The following SUGCT variants were observed in gnomAD, a reference collection of about 807,000 sequenced individuals.
SUGCT encodes succinyl-CoA:glutarate CoA-transferase.
In SUGCT, 41 loss-of-function variants were observed where a neutral mutation model predicts 55.0. The ratio of observed to expected loss-of-function variants is 0.74; its 90% CI spans 0.58 to 0.97. The LOEUF is 0.97. Among genes scored for constraint, SUGCT ranks in the 50% least tolerant of loss-of-function variants. The pLI, the probability that SUGCT is intolerant of heterozygous loss-of-function variation, is 0.00. For missense variants in SUGCT, 568 were observed against 547.8 expected (o/e 1.04, Z -0.37); for synonymous variants, 187 against 200.4 (o/e 0.93, Z 0.56).
chr7:40,950,918 CT>C, the SUGCT span, among the ~76,000 whole-genome samples: 1 of 151,158 alleles, frequency 6.6e-6, no homozygotes, highest in South Asian at 2.1e-4. Context: ...CTACAATTCT[CT>C]TTTTTTTTGT....
At chr7:40,633,990 A>G (rs1453148256) in intron 12 of SUGCT, among the ~76,000 whole-genome samples, 3 of 152,120 alleles carry the variant, frequency 2.0e-5, no homozygotes. Context: ...CTCTGAAAAT[A>G]TAGGGATCGT....
chr7:40,395,303 A>G lies in SUGCT; in HGVS notation c.817-53984A>G, dbSNP rs1177251553. ...CAGGAGTTTGAGACTAGCCTGGTCA[A>G]CATGGTGAAACCTCGTCTCTACTAA... On this transcript the variant is annotated intron_variant, in intron 9 of 13. Coordinates refer to ENST00000335693, the MANE Select transcript of SUGCT (RefSeq NM_001193313.2). Among the ~76,000 whole-genome samples the G allele has an allele frequency of 2.0e-5, 3 of 152,010 alleles. No homozygotes were observed. The South Asian group carries it at 6.2e-4, about 31-fold the overall frequency.
chr7:40,928,390 A>G, the SUGCT span, among the ~76,000 whole-genome samples: 4 of 152,036 alleles, frequency 2.6e-5, no homozygotes, highest in African/African-American at 7.2e-5. Context: ...CCTGAATACT[A>G]TCTTTCACTT....
At chr7:40,702,422 A>G (rs1019549459) in intron 12 of SUGCT, among the ~76,000 whole-genome samples, 3 of 152,232 alleles carry the variant, frequency 2.0e-5, no homozygotes, top group African/African-American at 4.8e-5. Flanking sequence ...AAAAAATACC[A>G]AAGTCAAGAA....
At chr7:40,193,852 C>G (rs982178487) in intron 5 of SUGCT, among the ~76,000 whole-genome samples, 1 of 151,916 alleles carries the variant, frequency 6.6e-6, no homozygotes, top group African/African-American at 2.4e-5. Context: ...CTGCCCCCCT[C>G]GGCCTCCCAA....
Position 40,415,036 on chromosome 7 carries a change from C to T in SUGCT, c.817-34251C>T, listed in dbSNP as rs1456707238. Reference sequence around the variant, plus strand: ...CTCCAACCTGGGTGACAGAGCCACACTCTGTCACAAAAAAAAAAAAAAAAA... The same window carrying T: ...CTCCAACCTGGGTGACAGAGCCACATTCTGTCACAAAAAAAAAAAAAAAAA... On this transcript the variant is annotated intron_variant, in intron 9 of 13. Coordinates refer to ENST00000335693, the MANE Select transcript of SUGCT (RefSeq NM_001193313.2). 1.2e-4 allele frequency among the ~76,000 whole-genome samples: 9 copies of T among 74,040 alleles called. 1 individual carries two copies. The East Asian group carries it at 3.5e-3, about 29-fold the overall frequency. The allele number at this position is 74,040 out of a possible 152,430, so 48.6% of individuals were successfully genotyped here.
chr7:40,315,966 G>A (rs377434987), intron 8 of SUGCT, among the ~76,000 whole-genome samples: 139 of 152,086 alleles, frequency 9.1e-4, no homozygotes, highest in African/African-American at 3.2e-3. Context: ...TCATATTATC[G>A]TCATATTGAG....
chr7:40,362,184 C>T (rs1297419112), intron 9 of SUGCT, among the ~76,000 whole-genome samples: 7 of 151,916 alleles, frequency 4.6e-5, no homozygotes, highest in East Asian at 1.9e-4. Flanking sequence ...TTTGGGAGGC[C>T]GAGGTGGGCA....
At chr7:40,398,515 C>CTTTTTTTTTTTTTTTTTTTTT (rs138325012) in intron 9 of SUGCT, among the ~76,000 whole-genome samples, 1 of 130,934 alleles carries the variant, frequency 7.6e-6, no homozygotes, top group African/African-American at 2.8e-5. Flanking sequence ...ACTTTACTGG[C>CTTTTTTTTTTTTTTTTTTTTT]TTTTTTTTTT....
intron 12 of SUGCT, among the ~76,000 whole-genome samples, chr7:40,716,933 T>C (rs1023286535): frequency 6.6e-6 from 1 of 152,150 alleles, no homozygotes; most frequent in Non-Finnish European, 1.5e-5. Context: ...TTTAAAGATG[T>C]TAAAATGCGA....
intron 9 of SUGCT, among the ~76,000 whole-genome samples, chr7:40,338,261 A>T (rs1796830088): frequency 6.6e-6 from 1 of 151,968 alleles, no homozygotes; most frequent in African/African-American, 2.4e-5. Context: ...TCTTTGTGGC[A>T]TTCTCTGTAT....
chr7:40,970,414 C>T, the SUGCT span, among the ~76,000 whole-genome samples: 4 of 152,152 alleles, frequency 2.6e-5, no homozygotes, highest in African/African-American at 7.2e-5. Context: ...TCAAGTGATC[C>T]GTCTGTCTTG....
the SUGCT span, among the ~76,000 whole-genome samples, chr7:40,953,944 C>T: frequency 6.6e-6 from 1 of 152,060 alleles, no homozygotes; most frequent in East Asian, 1.9e-4. Flanking sequence ...AGATCTCAAA[C>T]TCCATGCTGG....
chr7:40,851,332 T>A (rs1584535354), intron 13 of SUGCT, among the ~76,000 whole-genome samples: 1 of 151,888 alleles, frequency 6.6e-6, no homozygotes, highest in Non-Finnish European at 1.5e-5. Context: ...AAAAAAAAAA[T>A]GTTTAATGTT....
chr7:40,888,640 C>T, the SUGCT span, among the ~76,000 whole-genome samples: 3 of 152,126 alleles, frequency 2.0e-5, no homozygotes, highest in African/African-American at 7.2e-5. Context: ...AGGCAAGGTG[C>T]ACTTTGGGTG....
chr7:40,828,888 G>A (rs79252614), intron 13 of SUGCT, among the ~76,000 whole-genome samples: 11,663 of 152,200 alleles, frequency 0.077, 586 homozygotes, highest in Middle Eastern at 0.13. Flanking sequence ...GGTTTGGACC[G>A]CATGACTTTA....
intron 12 of SUGCT, among the ~76,000 whole-genome samples, chr7:40,623,069 C>G (rs186380474): frequency 3.9e-5 from 6 of 152,278 alleles, no homozygotes; most frequent in Admixed American, 3.3e-4. Context: ...TGTCCAAACT[C>G]TCTGATGCTT....
At chr7:40,242,082 C>G (rs1462268814) in intron 7 of SUGCT, among the ~76,000 whole-genome samples, 1 of 152,104 alleles carries the variant, frequency 6.6e-6, no homozygotes, top group Non-Finnish European at 1.5e-5. Context: ...AATTCCTACA[C>G]TATGCCAGAC....
At chr7:40,592,407 C>A (rs536172160) in intron 12 of SUGCT, among the ~76,000 whole-genome samples, 2 of 152,256 alleles carry the variant, frequency 1.3e-5, no homozygotes, top group South Asian at 4.1e-4. Context: ...AGACATCCAT[C>A]CTCTCCGGTT....
Sources: allele counts gnomAD v4.1 joint callset (sites outside exome capture counted in the v4.1 genomes callset), GRCh38; gene constraint gnomAD v4.1.1; transcripts MANE v1.5; gene names NCBI Gene and HGNC (gene_info 2026-07-23, HGNC 2026-07-21).